The following DMPK variants were observed in gnomAD, a reference collection of about 807,000 sequenced individuals.
The protein encoded by DMPK is myotonin-protein kinase.
In DMPK, 32 loss-of-function variants were observed where a neutral mutation model predicts 70.3. The ratio of observed to expected loss-of-function variants is 0.46; its 90% CI spans 0.34 to 0.61. DMPK has a LOEUF of 0.61. Ranked by LOEUF, DMPK falls within the 20% of genes least tolerant of loss-of-function variation. DMPK has a pLI of 0.01. For missense variants in DMPK, 899 were observed against 886.0 expected (o/e 1.01, Z -0.19); for synonymous variants, 469 against 390.9 (o/e 1.20, Z -2.36).
chr19:45,771,889 C>A lies in DMPK; in HGVS notation c.1384G>T (p.Ala462Ser). ...TCCCGCAGCGTCACCTCGGCCTCAGCCTCTGCCGCAGGGACAGCCGCTGGA... is the reference window on the plus strand; with the variant it reads ...TCCCGCAGCGTCACCTCGGCCTCAGACTCTGCCGCAGGGACAGCCGCTGGA... ...AVPAAVPAAE[A>S]EAEVTLRELQ... The change falls in exon 11 of 15, where the codon GCT becomes TCT. Residue 462 changes from alanine (A) to serine (S), a missense_variant. Ala to Ser is a moderately conservative substitution (Grantham distance 99, BLOSUM62 1). Coordinates refer to ENST00000291270, the MANE Select transcript of DMPK (RefSeq NM_004409.5). 1 of 1,596,010 alleles carries A rather than the reference C, an allele frequency of 6.3e-7. No homozygotes were observed. Among genetic ancestry groups the A allele is most frequent in the Admixed American group, 1.7e-5 (1 of 58,050 alleles).
chr19:45,782,192 C>T lies in DMPK; in HGVS notation c.160+1G>A. 3.2e-6 allele frequency: 5 copies of T among 1,552,718 alleles called. No homozygotes were observed. Among genetic ancestry groups the T allele is most frequent in the Non-Finnish European group, 4.4e-6 (5 of 1,147,210 alleles). On this transcript the variant is annotated splice_donor_variant, in intron 1 of 14. Coordinates refer to ENST00000291270, the MANE Select transcript of DMPK (RefSeq NM_004409.5). LOFTEE classifies it high-confidence loss of function. ...CAGGAGCCCCGAGGGTAGGCACTCA[C>T]CCCACTGCAAGAAGTCGGCCACGTA...
chr19:45,770,173 G>C lies in DMPK; in HGVS notation c.*315C>G. The C allele has an allele frequency of 1.5e-6, 1 of 669,942 alleles. No homozygotes were observed. The highest frequency in any genetic ancestry group is 2.1e-5 in the African/African-American group (1 of 48,350). The allele number at this position is 669,942 out of a possible 1,614,324, so 41.5% of individuals were successfully genotyped here. On this transcript the variant is annotated 3_prime_UTR_variant, in exon 15 of 15. Coordinates refer to ENST00000291270, the MANE Select transcript of DMPK (RefSeq NM_004409.5). ...CCCATCCACGTCAGGGCCTCAGCCT[G>C]GCCGAAAGAAAGAAATGGTCTGTGA...
intron 1 of DMPK, among the ~76,000 whole-genome samples, chr19:45,781,166 C>T (rs1015293314): frequency 2.0e-5 from 3 of 152,078 alleles, no homozygotes; most frequent in Admixed American, 1.3e-4. Context: ...CAGGGGAAGG[C>T]GGAGAAACAG....
chr19:45,770,607 G>C lies in DMPK; in HGVS notation c.1771C>G (p.Leu591Val). ...PRPGLSEALS[L>V]LLFAVVLSRA... The stretch of plus-strand genomic sequence containing the variant: ...GACAGAACAACGGCGAACAGGAGCA[G>C]GGAAAGCGCCTCCGATAGGCCAGGC... Residue 591 changes from leucine (L) to valine (V), a missense_variant, in exon 15 of 15, where the codon CTG becomes GTG. Coordinates refer to ENST00000291270, the MANE Select transcript of DMPK (RefSeq NM_004409.5). The C allele has an allele frequency of 6.4e-7, 1 of 1,553,026 alleles. No homozygotes were observed. Among genetic ancestry groups the C allele is most frequent in the Non-Finnish European group, 8.7e-7 (1 of 1,148,366 alleles).
Position 45,772,716 on chromosome 19 carries a change from C to T in DMPK, c.1269G>A (p.Leu423=), listed in dbSNP as rs1969539369. 4 of 1,518,546 alleles carry T rather than the reference C, an allele frequency of 2.6e-6. No individual in the cohort carries two copies. The highest frequency in any genetic ancestry group is 1.7e-4 in the Middle Eastern group (1 of 5,806). The allele number at this position is 1,518,546 out of a possible 1,614,324, so 94.1% of individuals were successfully genotyped here. ...SEVPGPTPME[L]EAEQLLEPHV... is the part of the protein sequence containing the mutation. ...GTGGCTCAAGCAGCTGCTCGGCCTC[C>T]AGTTCCATGGGTGTGGGGCCTGGGA... The change falls in exon 10 of 15, where the codon CTG becomes CTA. Residue 423 remains leucine, a synonymous_variant. Transcript: ENST00000291270.
At chr19:45,773,369 C>T (rs954099688) in intron 9 of DMPK, among the ~76,000 whole-genome samples, 8 of 152,132 alleles carry the variant, frequency 5.3e-5, no homozygotes, top group Non-Finnish European at 7.3e-5. Flanking sequence ...GGCCCCGCAG[C>T]GGTTCAGAAT....
Position 45,771,031 on chromosome 19 carries a change from G to C in DMPK, c.1677C>G (p.Gly559=). The C allele has an allele frequency of 6.7e-7, 1 of 1,499,826 alleles. No homozygotes were observed. The allele number at this position is 1,499,826 out of a possible 1,614,324, so 92.9% of individuals were successfully genotyped here. Residue 559 remains glycine (G), a synonymous_variant, in exon 14 of 15, where the codon GGC becomes GGG. Transcript: ENST00000291270. The part of the protein sequence containing the change: ...HLDGPPAVAV[G]QCPLVGPGPM... Reference sequence around the variant, plus strand: ...GGCCTGGCCCCACCAGCGGGCACTGGCCCACAGCCACGGCCGGGGGGCCAT... The same window carrying C: ...GGCCTGGCCCCACCAGCGGGCACTGCCCCACAGCCACGGCCGGGGGGCCAT...
intron 4 of DMPK, 29 bp downstream of exon 4, chr19:45,779,235 C>T: frequency 1.2e-6 from 2 of 1,609,866 alleles, no homozygotes; most frequent in Non-Finnish European, 1.7e-6. Flanking sequence ...TCTTGTCCCT[C>T]TTCCTAGTCA....
At position 45,770,091 on chromosome 19, in the gene DMPK, G is replaced by T; in HGVS notation, c.*397C>A. ...TTGCGAACCAACGATAGGTGGGGGT[G>T]CGTGGAGGATGGAACACGGACGGCC... is the stretch of plus-strand genomic sequence containing the variant. On this transcript the variant is annotated 3_prime_UTR_variant, in exon 15 of 15. Coordinates refer to ENST00000291270, the MANE Select transcript of DMPK (RefSeq NM_004409.5). 1 of 547,198 alleles carries T rather than the reference G, an allele frequency of 1.8e-6. No homozygotes were observed. The highest frequency in any genetic ancestry group is 1.8e-5 in the South Asian group (1 of 55,262). 33.9% of individuals were successfully genotyped at this position (547,198 alleles called of 1,614,324 possible).
In DMPK at chr19:45,778,498, C is replaced by T. The variant is rs1568583286; in HGVS notation, c.576G>A (p.Val192=). ...CTCGGCCATGCTGCACCCACCTGTG[C>T]ACGTAGCCAAGCCGGTGCACCGAGT... ...AIDSVHRLGY[V]HRDIKPDNIL... Residue 192 remains valine, a synonymous_variant, in exon 5 of 15, where the codon GTG becomes GTA. Transcript: ENST00000291270. The T allele has an allele frequency of 6.2e-7, 1 of 1,613,632 alleles. No individual in the cohort carries two copies. The highest frequency in any genetic ancestry group is 1.7e-5 in the Admixed American group (1 of 60,020).
chr19:45,770,948 G>C, intron 14 of DMPK, 23 bp downstream of exon 14: 1 of 1,408,340 alleles, frequency 7.1e-7, no homozygotes, highest in Non-Finnish European at 9.2e-7. Flanking sequence ...ACGGCGGAGG[G>C]GGGCGTGGGC....
intron 9 of DMPK, 134 bp downstream of exon 9, chr19:45,774,815 C>T: frequency 1.5e-6 from 1 of 648,444 alleles, no homozygotes; most frequent in South Asian, 1.9e-5. Flanking sequence ...CAACTCTGGC[C>T]TCTTAGGAGT....
rs1969303054 is a variant in DMPK at position 45,770,328 on chromosome 19, C to T, written c.*160G>A. On this transcript the variant is annotated 3_prime_UTR_variant, in exon 15 of 15. Coordinates refer to ENST00000291270, the MANE Select transcript of DMPK (RefSeq NM_004409.5). ...GGCCGCGGACCCGGCCCCTCCCTCC[C>T]CGGCCGCTAGGGGGCGGGCCCGGAT... The T allele has an allele frequency of 9.4e-7, 1 of 1,067,782 alleles. No homozygotes were observed. The highest frequency in any genetic ancestry group is 2.1e-5 in the Admixed American group (1 of 47,832). 66.1% of individuals were successfully genotyped at this position (1,067,782 alleles called of 1,614,324 possible). A position where few individuals can be genotyped will look rare whatever the true frequency, so the allele number is the denominator to read the frequency against.
chr19:45,779,763 C>G lies in DMPK; in HGVS notation c.252+15G>C. The G allele has an allele frequency of 6.5e-7, 1 of 1,546,656 alleles. No homozygotes were observed. The highest frequency in any genetic ancestry group is 8.7e-7 in the Non-Finnish European group (1 of 1,146,512). On this transcript the variant is annotated intron_variant, in intron 2 of 14. Transcript: ENST00000291270. ...CACCACGAGTCAAGTCAGGCTCCCG[C>G]CCGGTTCGGCTTACCTCGCTGAACG...
chr19:45,777,739 T>C lies in DMPK; in HGVS notation c.810A>G (p.Glu270=), dbSNP rs1969857596. The C allele has an allele frequency of 1.2e-6, 2 of 1,613,674 alleles. No homozygotes were observed. Among genetic ancestry groups the C allele is most frequent in the East Asian group, 4.5e-5 (2 of 44,862 alleles). The change falls in exon 7 of 15, where the codon GAA becomes GAG. Residue 270 remains glutamate, a synonymous_variant. Transcript: ENST00000291270. The surrounding 1 kb of genome is among the most constrained non-coding windows in gnomAD (Gnocchi z 6.7). ...AGAAGGGCGTCTGCCCATAGAACAT[T>C]TCATAGGCGAATACACCCAGCGCCC... is the stretch of plus-strand genomic sequence containing the variant. The part of the protein sequence containing the change: ...DWWALGVFAY[E]MFYGQTPFYA...
intron 4 of DMPK, 39 bp from the exon 5 acceptor site, chr19:45,778,680 G>A (rs777582664): frequency 1.0e-5 from 16 of 1,602,434 alleles, no homozygotes; most frequent in Admixed American, 1.7e-5. Context: ...GTAGTCCCCT[G>A]AGGCCCTGAT....
At chr19:45,778,307 G>A (rs1969895645) in intron 5 of DMPK, 87 bp from the exon 6 acceptor site, 2 of 1,417,522 alleles carry the variant, frequency 1.4e-6, no homozygotes, top group South Asian at 2.4e-5. Context: ...AGTGCCACCT[G>A]GGACCCCACT....
chr19:45,778,236 G>T lies in DMPK; in HGVS notation c.582-16C>A. 6.2e-7 allele frequency: 1 copy of T among 1,606,688 alleles called. No homozygotes were observed. The highest frequency in any genetic ancestry group is 8.5e-7 in the Non-Finnish European group (1 of 1,175,298). ...TTTGATGTCCCTGCACGGAGGAAAA[G>T]AGAAGGGTGGGATAAATGAACCTCC... On this transcript the variant is annotated splice_polypyrimidine_tract_variant and intron_variant, in intron 5 of 14. Transcript: ENST00000291270.
At chr19:45,772,158 G>C (rs1969498885) in intron 10 of DMPK, 1 of 552,002 alleles carries the variant, frequency 1.8e-6, no homozygotes, top group Non-Finnish European at 3.2e-6. Context: ...GAGGGCTGGT[G>C]CTCAAACACT....
Sources: allele counts gnomAD v4.1 joint callset (sites outside exome capture counted in the v4.1 genomes callset), GRCh38; gene constraint gnomAD v4.1.1; non-coding constraint Gnocchi (gnomAD v3.1); transcripts MANE v1.5; gene names NCBI Gene and HGNC (gene_info 2026-07-23, HGNC 2026-07-21).